Variants in BNC2 observed in about 807,000 individuals in gnomAD.
The protein encoded by BNC2 is zinc finger protein basonuclin-2.
A neutral mutation model predicts 76.3 loss-of-function variants in BNC2; 20 were observed. That is an observed-to-expected ratio of 0.26 (90% CI 0.18 to 0.38). The LOEUF (loss-of-function observed/expected upper bound fraction) is 0.38. Ranked by LOEUF, BNC2 falls within the 10% of genes least tolerant of loss-of-function variation. The probability of loss-of-function intolerance (pLI) is 1.00; values close to 1 mark genes in which losing one functional copy is unlikely to be tolerated. For synonymous variants in BNC2, 582 were observed against 514.8 expected, an observed-to-expected ratio of 1.13 and a Z score of -1.77; for missense variants, 1,382 against 1,399.8, an observed-to-expected ratio of 0.99 and a Z score of 0.20.
chr9:16,625,668 TA>T (rs1437358436), intron 3 of BNC2: 1 of 152,210 alleles, frequency 6.6e-6, no homozygotes, highest in Middle Eastern at 3.1e-3. Flanking sequence ...GAGGCATCAC[TA>T]ACTCTCTAGA....
intron 5 of BNC2, among the ~76,000 whole-genome samples, chr9:16,463,281 C>G (rs1587057572): frequency 6.9e-6 from 1 of 145,200 alleles, no homozygotes; most frequent in African/African-American, 2.6e-5. Context: ...TGTGAGCATA[C>G]AAGTATTAAA....
chr9:16,743,387 T>A (rs1373937143), intron 1 of BNC2, among the ~76,000 whole-genome samples: 2 of 152,176 alleles, frequency 1.3e-5, no homozygotes, highest in Non-Finnish European at 2.9e-5. Flanking sequence ...ATAAGGCATC[T>A]CTTTCCTGGT....
At chr9:16,747,076 G>A (rs370932132) in intron 1 of BNC2, among the ~76,000 whole-genome samples, 3 of 151,866 alleles carry the variant, frequency 2.0e-5, no homozygotes, top group Admixed American at 6.6e-5. Flanking sequence ...ATCACACCAC[G>A]CAAAGAAATA....
rs1465230224 is a variant in BNC2, at chr9:16,787,898, C to T, written c.4-49413G>A. Among the ~76,000 whole-genome samples the T allele has an allele frequency of 2.0e-5, 3 of 152,156 alleles. No homozygotes were observed. In the East Asian group the frequency reaches 5.8e-4, roughly 29 times the overall value. ...CAGAATTATTTCCTTAGCCAGGATG[C>T]AGCTTCAGAACCGTTACTGAATTAG... is the stretch of plus-strand genomic sequence containing the variant. On this transcript the variant is annotated intron_variant, in intron 1 of 6. Transcript: ENST00000380672.
intron 3 of BNC2, among the ~76,000 whole-genome samples, chr9:16,720,710 T>A (rs896774296): frequency 2.6e-5 from 4 of 152,330 alleles, no homozygotes; most frequent in African/African-American, 4.8e-5. Context: ...TTAATCGGAA[T>A]GATGATTAAT....
chr9:16,509,581 AG>A (rs1168080624), intron 5 of BNC2, among the ~76,000 whole-genome samples: 1 of 152,238 alleles, frequency 6.6e-6, no homozygotes, highest in Non-Finnish European at 1.5e-5. Context: ...GGATAGCAAA[AG>A]GAACAGTTTA....
intron 1 of BNC2, among the ~76,000 whole-genome samples, chr9:16,754,678 C>T (rs1825327738): frequency 6.6e-6 from 1 of 152,146 alleles, no homozygotes; most frequent in Non-Finnish European, 1.5e-5. Context: ...CTGCCTCAGC[C>T]TCCTGAGTAG....
intron 3 of BNC2, among the ~76,000 whole-genome samples, chr9:16,707,338 G>C (rs1823709586): frequency 6.6e-6 from 1 of 152,184 alleles, no homozygotes; most frequent in Admixed American, 6.5e-5. Flanking sequence ...TAAAATTGAA[G>C]GAAGAATCAA....
At chr9:16,443,417 T>C (rs1821169595) in intron 5 of BNC2, among the ~76,000 whole-genome samples, 1 of 152,198 alleles carries the variant, frequency 6.6e-6, no homozygotes, top group African/African-American at 2.4e-5. Context: ...TCTTTTTCCT[T>C]CTGGGTTAAT....
At chr9:16,833,428 G>A (rs1354396976) in intron 1 of BNC2, among the ~76,000 whole-genome samples, 1 of 152,128 alleles carries the variant, frequency 6.6e-6, no homozygotes, top group Non-Finnish European at 1.5e-5. Flanking sequence ...GAAATGCCAA[G>A]AAGGAAGAGA....
chr9:16,495,033 C>T (rs544000391), intron 5 of BNC2, among the ~76,000 whole-genome samples: 1 of 152,128 alleles, frequency 6.6e-6, no homozygotes, highest in African/African-American at 2.4e-5. Context: ...AAGTCAATGA[C>T]GTATCATTAG....
intron 5 of BNC2, among the ~76,000 whole-genome samples, chr9:16,474,999 T>C (rs910223613): frequency 1.3e-5 from 2 of 152,184 alleles, no homozygotes; most frequent in East Asian, 1.9e-4. Context: ...GGAAATGCCA[T>C]GCCATATGAG....
At chr9:16,685,695 T>A (rs1822956970) in intron 3 of BNC2, 2 of 1,114,960 alleles carry the variant, frequency 1.8e-6, no homozygotes, top group Middle Eastern at 4.8e-4. Context: ...CAGTCACACT[T>A]GACCCAGGCA....
chr9:16,564,067 G>A (rs1819094453), intron 4 of BNC2, among the ~76,000 whole-genome samples: 1 of 152,288 alleles, frequency 6.6e-6, no homozygotes, highest in Non-Finnish European at 1.5e-5. Context: ...TGGGGGAAAA[G>A]GAGTGGAAAC....
intron 5 of BNC2, among the ~76,000 whole-genome samples, chr9:16,494,373 G>A (rs942482690): frequency 3.9e-5 from 6 of 151,900 alleles, no homozygotes; most frequent in Non-Finnish European, 7.4e-5. Flanking sequence ...GGGTGGTCTC[G>A]ATCTCTTGAA....
intron 1 of BNC2, among the ~76,000 whole-genome samples, chr9:16,870,184 TC>T (rs35656943): frequency 0.16 from 24,790 of 151,662 alleles, 2,847 homozygotes; most frequent in South Asian, 0.36. Flanking sequence ...CAGCCGCCGG[TC>T]CCTCACTCGG....
chr9:16,533,895 A>G (rs1333506120), intron 5 of BNC2, among the ~76,000 whole-genome samples: 1 of 152,182 alleles, frequency 6.6e-6, no homozygotes, highest in Non-Finnish European at 1.5e-5. Flanking sequence ...GAGAAACATA[A>G]TCTAAAAATC....
In BNC2 at chr9:16,616,790, G is replaced by GGAAGGAAGGAAGGAA. The variant is rs1820712519; in HGVS notation, c.331-33706_331-33705insTTCCTTCCTTCCTTC. Among the ~76,000 whole-genome samples the GGAAGGAAGGAAGGAA allele has an allele frequency of 5.8e-4, 6 of 10,338 alleles. No individual in the cohort carries two copies. The Admixed American group carries it at 8.4e-3, about 15-fold the overall frequency. 6.8% of individuals were successfully genotyped at this position (10,338 alleles called of 152,430 possible). A position where few individuals can be genotyped will look rare whatever the true frequency, so the allele number is the denominator to read the frequency against. On this transcript the variant is annotated intron_variant, in intron 3 of 6. Transcript: ENST00000380672. ...GGATGGGAGGGGAGGGGAGGAAGGA[G>GGAAGGAAGGAAGGAA]GGAAGGAAGGAAGGAAGGAAGGAAG... is the stretch of plus-strand genomic sequence containing the variant.
intron 2 of BNC2, among the ~76,000 whole-genome samples, chr9:16,729,951 G>C: frequency 6.6e-6 from 1 of 152,002 alleles, no homozygotes; most frequent in Non-Finnish European, 1.5e-5. Flanking sequence ...CTTTGCCTGT[G>C]TGTTTTTGCC....
Sources: gnomAD v4.1 joint callset for allele counts (sites outside exome capture counted in the v4.1 genomes callset) on GRCh38, gnomAD v4.1.1 for gene constraint, MANE v1.5 for transcripts, NCBI Gene and HGNC (gene_info 2026-07-23, HGNC 2026-07-21) for gene names.